The following SAE1 variants were observed in gnomAD, a reference collection of about 807,000 sequenced individuals.
The protein encoded by SAE1 is SUMO-activating enzyme subunit 1.
In SAE1, 11 loss-of-function variants were observed where a neutral mutation model predicts 40.6. The observed-to-expected ratio is 0.27, with a 90% CI of 0.17 to 0.45. The LOEUF is 0.45. Ranked by LOEUF, SAE1 falls within the 20% of genes least tolerant of loss-of-function variation. The probability of loss-of-function intolerance (pLI) is 1.00; values close to 1 mark genes in which losing one functional copy is unlikely to be tolerated. For missense variants in SAE1, 373 were observed against 427.3 expected (o/e 0.87, Z 1.12); for synonymous variants, 155 against 154.3 (o/e 1.00, Z -0.03).
chr19:47,137,519 C>T (rs927935004), intron 1 of SAE1, among the ~76,000 whole-genome samples: 16 of 152,144 alleles, frequency 1.1e-4, no homozygotes, highest in South Asian at 4.1e-4. Context: ...TTTTTTTTCT[C>T]GCTCTGTTAC....
At chr19:47,136,638 G>A (rs2058182171) in intron 1 of SAE1, among the ~76,000 whole-genome samples, 1 of 152,050 alleles carries the variant, frequency 6.6e-6, no homozygotes, top group African/African-American at 2.4e-5. Context: ...TGGGATTACA[G>A]GCGTGTGCCA....
intron 6 of SAE1, among the ~76,000 whole-genome samples, chr19:47,184,177 T>C (rs1246681283): frequency 6.6e-6 from 1 of 152,198 alleles, no homozygotes; most frequent in Non-Finnish European, 1.5e-5. Flanking sequence ...TTATTTTAAA[T>C]TGATGGGCTC....
chr19:47,141,997 C>G (rs2058224968), intron 1 of SAE1, among the ~76,000 whole-genome samples: 1 of 152,174 alleles, frequency 6.6e-6, no homozygotes, highest in African/African-American at 2.4e-5. Flanking sequence ...TTGACCTATT[C>G]TGCTTCCTAC....
At chr19:47,188,220 G>A (rs2058556197) in intron 6 of SAE1, among the ~76,000 whole-genome samples, 3 of 152,004 alleles carry the variant, frequency 2.0e-5, no homozygotes, top group African/African-American at 7.2e-5. Context: ...GCATGGTGGT[G>A]CATGCCTGTA....
intron 8 of SAE1, among the ~76,000 whole-genome samples, chr19:47,207,655 T>C (rs2058693165): frequency 6.6e-6 from 1 of 151,906 alleles, no homozygotes; most frequent in African/African-American, 2.4e-5. Context: ...TTCCCACCCC[T>C]CTCTCTCGCT....
At chr19:47,180,416 A>G (rs2058498585) in intron 6 of SAE1, 1 of 366,118 alleles carries the variant, frequency 2.7e-6, no homozygotes, top group African/African-American at 2.1e-5. Flanking sequence ...GGAATTATGA[A>G]GATAACAAAG....
chr19:47,194,093 A>G (rs1417758020), intron 6 of SAE1, among the ~76,000 whole-genome samples: 1 of 152,076 alleles, frequency 6.6e-6, no homozygotes, highest in African/African-American at 2.4e-5. Context: ...CACCTGTTGT[A>G]GCTTCTAAAA....
At chr19:47,208,330 G>C (rs920732547) in intron 8 of SAE1, among the ~76,000 whole-genome samples, 2 of 152,142 alleles carry the variant, frequency 1.3e-5, no homozygotes, top group African/African-American at 4.8e-5. Flanking sequence ...CACTATTACA[G>C]CTCACTGCAG....
chr19:47,143,734 G>T, intron 2 of SAE1, 129 bp downstream of exon 2: 2 of 670,190 alleles, frequency 3.0e-6, no homozygotes. Context: ...ATAAACCATT[G>T]CCTCTGGAGA....
intron 6 of SAE1, among the ~76,000 whole-genome samples, chr19:47,187,525 A>G (rs1261387472): frequency 6.6e-6 from 1 of 151,980 alleles, no homozygotes. Flanking sequence ...AGCTTGTGTC[A>G]CTTTATTTTT....
At chr19:47,197,196 G>T (rs1489564227) in intron 6 of SAE1, 37 bp from the exon 7 acceptor site, 4 of 1,489,772 alleles carry the variant, frequency 2.7e-6, no homozygotes, top group African/African-American at 2.9e-5. Flanking sequence ...AAAAAAAAAA[G>T]TGGCTTTATA....
At chr19:47,179,751 G>GA (rs1314646635) in intron 6 of SAE1, among the ~76,000 whole-genome samples, 1 of 152,136 alleles carries the variant, frequency 6.6e-6, no homozygotes, top group Non-Finnish European at 1.5e-5. Context: ...TATTTGTAGA[G>GA]ACGGGGTTTC....
intron 6 of SAE1, among the ~76,000 whole-genome samples, chr19:47,193,057 C>CTTTTTT (rs869046931): frequency 5.8e-5 from 8 of 137,026 alleles, no homozygotes; most frequent in African/African-American, 2.2e-4. Context: ...TGGTCACAGC[C>CTTTTTT]TTTTTTTTTT....
intron 7 of SAE1, 75 bp downstream of exon 7, chr19:47,197,452 G>C: frequency 7.2e-7 from 1 of 1,382,966 alleles, no homozygotes; most frequent in Non-Finnish European, 9.9e-7. Context: ...AATTTGACAA[G>C]CTCTTTTATT....
chr19:47,205,342 A>G (rs369270925), intron 8 of SAE1, among the ~76,000 whole-genome samples: 8 of 80,798 alleles, frequency 9.9e-5, no homozygotes, highest in East Asian at 3.5e-4. Context: ...TTTTTTGTCT[A>G]TTTTTTCTGA....
In SAE1 at chr19:47,182,496, T is replaced by TGTGTGCGCGCGC. The variant is rs143321323; in HGVS notation, c.733+12574_733+12575insTGTGCGCGCGCG. ...GTGTGTGTGTGTGTGTGTGTGTGTGTGCGCGCACGCACGCGCGCGCGCACA... is the reference window on the plus strand; with the variant it reads ...GTGTGTGTGTGTGTGTGTGTGTGTGTGTGTGCGCGCGCGCGCGCACGCACGCGCGCGCGCACA... On this transcript the variant is annotated intron_variant, in intron 6 of 8. Coordinates refer to ENST00000270225, the MANE Select transcript of SAE1 (RefSeq NM_005500.3). Among the ~76,000 whole-genome samples the TGTGTGCGCGCGC allele has an allele frequency of 9.6e-5, 14 of 146,042 alleles. No individual in the cohort carries two copies. The East Asian group carries it at 2.0e-3, about 21-fold the overall frequency.
At chr19:47,179,838 G>A (rs1779520835) in intron 6 of SAE1, among the ~76,000 whole-genome samples, 1 of 152,150 alleles carries the variant, frequency 6.6e-6, no homozygotes, top group Non-Finnish European at 1.5e-5. Flanking sequence ...TTACAGGTGT[G>A]AGCCACTTTG....
chr19:47,138,136 C>T (rs146380876), intron 1 of SAE1, among the ~76,000 whole-genome samples: 38 of 151,960 alleles, frequency 2.5e-4, no homozygotes, highest in African/African-American at 9.2e-4. Flanking sequence ...CTCTGCCTCC[C>T]GGGTTCAGGC....
chr19:47,184,709 C>G (rs1014662142), intron 6 of SAE1, among the ~76,000 whole-genome samples: 1 of 152,066 alleles, frequency 6.6e-6, no homozygotes, highest in South Asian at 2.1e-4. Context: ...CCACTGCCGG[C>G]CTCGTTCTGT....
Sources: gnomAD v4.1 joint callset for allele counts (sites outside exome capture counted in the v4.1 genomes callset) on GRCh38, gnomAD v4.1.1 for gene constraint, MANE v1.5 for transcripts, NCBI Gene and HGNC (gene_info 2026-07-23, HGNC 2026-07-21) for gene names.